Variants in FSTL5 observed in about 807,000 individuals in gnomAD.
FSTL5 encodes follistatin-related protein 5.
A neutral mutation model predicts 89.1 loss-of-function variants in FSTL5; 62 were observed. The ratio of observed to expected loss-of-function variants is 0.70; its 90% CI spans 0.57 to 0.86. The LOEUF (loss-of-function observed/expected upper bound fraction) is 0.86, where lower values mean the gene tolerates loss of function less well. FSTL5 is among the 40% of genes least tolerant of loss of function. FSTL5 has a pLI of 0.00. For missense variants in FSTL5, 1,057 were observed against 1,001.6 expected, an observed-to-expected ratio of 1.06 and a Z score of -0.75; for synonymous variants, 383 against 346.2, an observed-to-expected ratio of 1.11 and a Z score of -1.18.
intron 4 of FSTL5, among the ~76,000 whole-genome samples, chr4:161,881,242 T>C (rs993710241): frequency 1.3e-5 from 2 of 150,314 alleles, no homozygotes; most frequent in African/African-American, 4.9e-5. Context: ...TAGTTTATCA[T>C]TTGATAATTG....
intron 4 of FSTL5, among the ~76,000 whole-genome samples, chr4:161,781,447 A>G (rs141841216): frequency 8.5e-5 from 13 of 152,174 alleles, no homozygotes; most frequent in African/African-American, 3.1e-4. Context: ...TATATATAAT[A>G]AAGTAAGCTT....
chr4:161,454,546 C>G (rs1306384964), intron 15 of FSTL5, among the ~76,000 whole-genome samples: 4 of 152,020 alleles, frequency 2.6e-5, no homozygotes, highest in African/African-American at 7.2e-5. Flanking sequence ...ACAATATGAT[C>G]AAAAAATGAT....
In FSTL5 at chr4:161,562,463, GT is replaced by G. The variant is rs1377098808; in HGVS notation, c.1016-19771del. ...GTATTGAAATTTATCAACATAGTAT[GT>G]TTTTCCATTGATTTAGGTCTTCTAT... is the stretch of plus-strand genomic sequence containing the variant. On this transcript the variant is annotated intron_variant, in intron 8 of 15. Transcript: ENST00000306100. Among the ~76,000 whole-genome samples the G allele has an allele frequency of 2.0e-5, 3 of 151,824 alleles. No homozygotes were observed. In the East Asian group the frequency reaches 5.8e-4, roughly 30 times the overall value.
intron 3 of FSTL5, among the ~76,000 whole-genome samples, chr4:161,998,802 A>T (rs774961167): frequency 1.3e-5 from 2 of 152,012 alleles, no homozygotes; most frequent in Non-Finnish European, 2.9e-5. Flanking sequence ...GCATAGACAG[A>T]TTTGATCATC....
chr4:162,096,720 C>G (rs751271915), intron 2 of FSTL5, among the ~76,000 whole-genome samples: 4 of 151,860 alleles, frequency 2.6e-5, no homozygotes, highest in Non-Finnish European at 5.9e-5. Context: ...AATAATATTG[C>G]TTAAGTATGA....
intron 3 of FSTL5, among the ~76,000 whole-genome samples, chr4:161,997,953 G>A (rs1309949014): frequency 6.6e-6 from 1 of 152,136 alleles, no homozygotes; most frequent in Non-Finnish European, 1.5e-5. Flanking sequence ...GTGAATGTGA[G>A]GATGGATTAT....
intron 6 of FSTL5, among the ~76,000 whole-genome samples, chr4:161,756,946 G>A (rs1369491664): frequency 6.6e-6 from 1 of 152,110 alleles, no homozygotes; most frequent in African/African-American, 2.4e-5. Flanking sequence ...GCCTACTTCT[G>A]TTAGTCAAGT....
chr4:161,829,739 A>T (rs1257528771), intron 4 of FSTL5, among the ~76,000 whole-genome samples: 2 of 152,250 alleles, frequency 1.3e-5, no homozygotes, highest in East Asian at 3.9e-4. Context: ...ATGGTAAAGT[A>T]AATGAACATA....
intron 7 of FSTL5, among the ~76,000 whole-genome samples, chr4:161,641,741 T>C (rs889689245): frequency 3.9e-5 from 6 of 152,130 alleles, no homozygotes; most frequent in Non-Finnish European, 7.4e-5. Context: ...CTGCCCGCCT[T>C]GGCCTCCCAA....
chr4:161,480,978 T>A (rs1221496348), intron 13 of FSTL5, 42 bp downstream of exon 13: 1 of 1,370,528 alleles, frequency 7.3e-7, no homozygotes, highest in East Asian at 2.5e-5. Flanking sequence ...ATATAAATAT[T>A]TTTTAAAGAT....
chr4:161,701,510 G>A (rs953995782), intron 6 of FSTL5, among the ~76,000 whole-genome samples: 1 of 151,460 alleles, frequency 6.6e-6, no homozygotes, highest in African/African-American at 2.4e-5. Context: ...TTAATATCTG[G>A]TTATAAGAAT....
intron 6 of FSTL5, among the ~76,000 whole-genome samples, chr4:161,711,796 T>C (rs199908466): frequency 6.6e-6 from 1 of 152,208 alleles, no homozygotes; most frequent in East Asian, 1.9e-4. Flanking sequence ...GTGGGATTCA[T>C]CTCATGAATC....
At chr4:161,435,552 C>T (rs1005524265) in intron 15 of FSTL5, among the ~76,000 whole-genome samples, 6 of 151,472 alleles carry the variant, frequency 4.0e-5, no homozygotes, top group African/African-American at 1.5e-4. Context: ...TCATTTCTTG[C>T]ACATTTAAAA....
chr4:161,391,639 G>C (rs997663111), intron 15 of FSTL5, among the ~76,000 whole-genome samples: 1 of 152,120 alleles, frequency 6.6e-6, no homozygotes, highest in Non-Finnish European at 1.5e-5. Flanking sequence ...TCAAGTACCA[G>C]AGGATTCAGT....
intron 2 of FSTL5, among the ~76,000 whole-genome samples, chr4:162,054,039 A>G (rs1335449832): frequency 6.6e-6 from 1 of 151,832 alleles, no homozygotes; most frequent in African/African-American, 2.4e-5. Context: ...AATAGATGCA[A>G]AATTGATAAA....
intron 15 of FSTL5, among the ~76,000 whole-genome samples, chr4:161,431,291 G>T (rs184574108): frequency 6.6e-6 from 1 of 151,956 alleles, no homozygotes; most frequent in Middle Eastern, 3.4e-3. Context: ...ACAACAAAAA[G>T]TTTTTTAAAA....
intron 2 of FSTL5, among the ~76,000 whole-genome samples, chr4:162,048,277 C>T (rs575784735): frequency 2.0e-5 from 3 of 151,856 alleles, no homozygotes; most frequent in African/African-American, 4.8e-5. Flanking sequence ...CAGTGAGCGG[C>T]GATGGTGTCA....
At chr4:161,603,097 G>C (rs1734307342) in intron 7 of FSTL5, among the ~76,000 whole-genome samples, 1 of 152,068 alleles carries the variant, frequency 6.6e-6, no homozygotes, top group African/African-American at 2.4e-5. Flanking sequence ...AAGTATTTGA[G>C]GGTACAGAGC....
At chr4:161,770,854 T>C (rs1741183087) in intron 5 of FSTL5, among the ~76,000 whole-genome samples, 1 of 151,906 alleles carries the variant, frequency 6.6e-6, no homozygotes, top group Non-Finnish European at 1.5e-5. Flanking sequence ...TCTGGGGGGA[T>C]ACAGCCCAAT....
Sources: gnomAD v4.1 joint callset for allele counts (sites outside exome capture counted in the v4.1 genomes callset) on GRCh38, gnomAD v4.1.1 for gene constraint, MANE v1.5 for transcripts, NCBI Gene and HGNC (gene_info 2026-07-23, HGNC 2026-07-21) for gene names.